The following TRIM24 variants were observed in gnomAD, a reference collection of about 807,000 sequenced individuals.
TRIM24 encodes transcription intermediary factor 1-alpha.
TRIM24 carries 29 observed loss-of-function variants against 123.9 expected under a neutral mutation model. That is an observed-to-expected ratio of 0.23 (90% CI 0.17 to 0.32). The LOEUF is 0.32. Among genes scored for constraint, TRIM24 ranks in the 10% least tolerant of loss-of-function variants. TRIM24 has a pLI of 1.00. For synonymous variants in TRIM24, 456 were observed against 461.1 expected (o/e 0.99, Z 0.14); for missense variants, 932 against 1,295.3 (o/e 0.72, Z 4.31).
At chr7:138,495,843 A>G (rs1446374388) in intron 1 of TRIM24, among the ~76,000 whole-genome samples, 1 of 152,140 alleles carries the variant, frequency 6.6e-6, no homozygotes, top group African/African-American at 2.4e-5. Context: ...CTTCTACGAA[A>G]TTCTTGCCCA....
intron 1 of TRIM24, among the ~76,000 whole-genome samples, chr7:138,498,826 G>T (rs548282546): frequency 1.3e-5 from 2 of 151,892 alleles, no homozygotes; most frequent in South Asian, 2.1e-4. Flanking sequence ...TAGAGACAGG[G>T]TTTCACCATG....
chr7:138,511,867 T>C (rs1796294471), intron 2 of TRIM24, among the ~76,000 whole-genome samples: 1 of 152,064 alleles, frequency 6.6e-6, no homozygotes, highest in African/African-American at 2.4e-5. Context: ...GCATTAACTC[T>C]CAAAAAGTCC....
chr7:138,492,645 G>A (rs2116502385), intron 1 of TRIM24, among the ~76,000 whole-genome samples: 1 of 152,292 alleles, frequency 6.6e-6, no homozygotes, highest in South Asian at 2.1e-4. Context: ...TTGCAGAATA[G>A]TTTGGGGAAA....
chr7:138,515,509 C>T (rs1796376303), intron 3 of TRIM24, 150 bp downstream of exon 3: 2 of 975,620 alleles, frequency 2.0e-6, no homozygotes, highest in Non-Finnish European at 2.9e-6. Flanking sequence ...AATTTAAGTA[C>T]TTACAAATTT....
intron 8 of TRIM24, among the ~76,000 whole-genome samples, chr7:138,553,926 C>T (rs1038436481): frequency 2.6e-5 from 4 of 152,140 alleles, no homozygotes; most frequent in Non-Finnish European, 5.9e-5. Context: ...ATTTAGGGAA[C>T]TTACATACAG....
intron 1 of TRIM24, among the ~76,000 whole-genome samples, chr7:138,492,369 C>G (rs535034386): frequency 6.7e-6 from 1 of 150,290 alleles, no homozygotes; most frequent in South Asian, 2.1e-4. Flanking sequence ...GTTTATATAT[C>G]CTGGATACTA....
chr7:138,466,152 CT>C (rs1346332583), intron 1 of TRIM24, among the ~76,000 whole-genome samples: 1 of 152,146 alleles, frequency 6.6e-6, no homozygotes. Flanking sequence ...TACACTACAC[CT>C]GGCTAATTTT....
chr7:138,504,888 G>A (rs1185207689), intron 2 of TRIM24, among the ~76,000 whole-genome samples: 1 of 151,810 alleles, frequency 6.6e-6, no homozygotes, highest in Non-Finnish European at 1.5e-5. Flanking sequence ...AGCCTCATGA[G>A]TAGCTGGGAT....
At chr7:138,557,342 C>G (rs1797335752) in intron 9 of TRIM24, among the ~76,000 whole-genome samples, 1 of 152,154 alleles carries the variant, frequency 6.6e-6, no homozygotes, top group Non-Finnish European at 1.5e-5. Context: ...GCATCTCTAT[C>G]ACTTAATTCT....
intron 16 of TRIM24, among the ~76,000 whole-genome samples, chr7:138,581,230 G>A (rs182651217): frequency 2.0e-5 from 3 of 152,268 alleles, no homozygotes; most frequent in Non-Finnish European, 1.5e-5. Context: ...AAGAGGGGAC[G>A]TGCCCATTCA....
intron 12 of TRIM24, among the ~76,000 whole-genome samples, chr7:138,575,985 T>TCTTA (rs1353342845): frequency 2.6e-5 from 4 of 152,200 alleles, no homozygotes; most frequent in Non-Finnish European, 2.9e-5. Flanking sequence ...CTCACTGAGA[T>TCTTA]CTTACCCCTG....
rs372283590 is a variant in TRIM24, at chr7:138,529,102, G to T, written c.882-14G>T. 13 of 1,471,578 alleles carry T rather than the reference G, an allele frequency of 8.8e-6. No individual in the cohort carries two copies. In the South Asian group the frequency reaches 1.4e-4, roughly 16 times the overall value. 91.2% of individuals were successfully genotyped at this position (1,471,578 alleles called of 1,614,324 possible). On this transcript the variant is annotated splice_polypyrimidine_tract_variant and intron_variant, in intron 5 of 18. Coordinates refer to ENST00000343526, the MANE Select transcript of TRIM24 (RefSeq NM_015905.3). ...AAAAAACTGCCTTATGTTTTTCCCCGTTTTAATTTTCAGAATTATTGAAGT... is the reference window on the plus strand; with the variant it reads ...AAAAAACTGCCTTATGTTTTTCCCCTTTTTAATTTTCAGAATTATTGAAGT...
intron 14 of TRIM24, among the ~76,000 whole-genome samples, chr7:138,577,889 G>T (rs10261236): frequency 6.6e-6 from 1 of 151,998 alleles, no homozygotes; most frequent in Non-Finnish European, 1.5e-5. Context: ...AAACATTTTC[G>T]TGCAAGTTCT....
At chr7:138,507,897 G>T (rs1385507788) in intron 2 of TRIM24, among the ~76,000 whole-genome samples, 1 of 151,200 alleles carries the variant, frequency 6.6e-6, no homozygotes, top group Non-Finnish European at 1.5e-5. Context: ...TCATGCCACT[G>T]CACCCCAGCC....
chr7:138,579,423 G>A lies in TRIM24; in HGVS notation c.2476G>A (p.Glu826Lys). Residue 826 changes from glutamate (E) to lysine (K), a missense_variant, in exon 15 of 19, where the codon GAG (glutamate) becomes AAG (lysine). This residue lies in a region of TRIM24 where 527 missense variants were observed against 691.3 expected (regional missense o/e 0.76). Transcript: ENST00000343526. ...GETRKEDDPN[E>K]DWCAVCQNGG... ...GACAAGGAAAGAGGATGACCCCAAT[G>A]AGGACTGGTGTGCAGTTTGTCAAAA... The A allele has an allele frequency of 6.2e-7, 1 of 1,614,138 alleles. No individual in the cohort carries two copies. The highest frequency in any genetic ancestry group is 8.5e-7 in the Non-Finnish European group (1 of 1,180,034).
chr7:138,497,690 C>T (rs926917121), intron 1 of TRIM24, among the ~76,000 whole-genome samples: 1 of 151,762 alleles, frequency 6.6e-6, no homozygotes, highest in Non-Finnish European at 1.5e-5. Context: ...TCACCGCGCC[C>T]AGCCTGTTGT....
At chr7:138,508,700 CGTGTGT>C (rs1554436660) in intron 2 of TRIM24, among the ~76,000 whole-genome samples, 134 of 35,480 alleles carry the variant, frequency 3.8e-3, no homozygotes, top group South Asian at 4.8e-3. Flanking sequence ...TGTGCGCGCG[CGTGTGT>C]GCGTGTGTGT....
chr7:138,502,961 T>A (rs1286195759), intron 1 of TRIM24, among the ~76,000 whole-genome samples: 1 of 152,230 alleles, frequency 6.6e-6, no homozygotes, highest in Non-Finnish European at 1.5e-5. Flanking sequence ...AGATATTCTC[T>A]TACATTTTCT....
intron 4 of TRIM24, among the ~76,000 whole-genome samples, chr7:138,520,718 T>G (rs1230862280): frequency 6.6e-6 from 1 of 152,078 alleles, no homozygotes; most frequent in Non-Finnish European, 1.5e-5. Flanking sequence ...AAAATTACAG[T>G]AACTGAAATT....
Sources: gnomAD v4.1 joint callset for allele counts (sites outside exome capture counted in the v4.1 genomes callset) on GRCh38, gnomAD v4.1.1 for gene constraint, gnomAD v4.1.1 regional missense constraint, MANE v1.5 for transcripts, NCBI Gene and HGNC (gene_info 2026-07-23, HGNC 2026-07-21) for gene names.